MACROD2: variants seen among roughly 807,000 people sequenced by gnomAD.
MACROD2 encodes mono-ADP ribosylhydrolase 2, also known as ADP-ribose glycohydrolase MACROD2.
MACROD2 carries 36 observed loss-of-function variants against 70.4 expected under a neutral mutation model. The observed-to-expected ratio is 0.51, with a 90% confidence interval of 0.39 to 0.68. The LOEUF is 0.68. Among genes scored for constraint, MACROD2 ranks in the 30% least tolerant of loss-of-function variants. The pLI, the probability that MACROD2 is intolerant of heterozygous loss-of-function variation, is 0.00. For missense variants in MACROD2, 496 were observed against 538.4 expected (o/e 0.92, Z 0.78); for synonymous variants, 172 against 178.8 (o/e 0.96, Z 0.30).
intron 7 of MACROD2, among the ~76,000 whole-genome samples, chr20:15,434,191 A>G (rs759726391): frequency 6.6e-6 from 1 of 152,070 alleles, no homozygotes; most frequent in Non-Finnish European, 1.5e-5. Context: ...TGGGACCTAA[A>G]TTAACTAAAA....
chr20:14,558,843 A>G (rs1188518401), intron 4 of MACROD2, among the ~76,000 whole-genome samples: 1 of 151,714 alleles, frequency 6.6e-6, no homozygotes, highest in African/African-American at 2.4e-5. Context: ...AAAATACAAT[A>G]CTGTATTAGG....
chr20:14,848,849 A>T (rs1299092900), intron 5 of MACROD2, among the ~76,000 whole-genome samples: 1 of 152,088 alleles, frequency 6.6e-6, no homozygotes, highest in Non-Finnish European at 1.5e-5. Flanking sequence ...GAGTTTGTGT[A>T]CCTGAGGTTG....
intron 15 of MACROD2, among the ~76,000 whole-genome samples, chr20:16,006,762 G>A (rs1210351418): frequency 6.6e-6 from 1 of 152,154 alleles, no homozygotes; most frequent in East Asian, 1.9e-4. Context: ...GGATGATTAA[G>A]TGTGTTCTCA....
intron 3 of MACROD2, among the ~76,000 whole-genome samples, chr20:14,387,366 A>AT (rs899754548): frequency 3.5e-4 from 53 of 151,216 alleles, no homozygotes; most frequent in African/African-American, 1.1e-3. Flanking sequence ...AGTTTTTTCT[A>AT]TTTTTTTTCA....
chr20:14,154,552 A>ATTTTTTTTTTTTTTTTTTTTT (rs869299523), intron 3 of MACROD2, among the ~76,000 whole-genome samples: 2 of 106,652 alleles, frequency 1.9e-5, no homozygotes, highest in Non-Finnish European at 3.8e-5. Flanking sequence ...CGCCCGGCTA[A>ATTTTTTTTTTTTTTTTTTTTT]TTTTTTTTTT....
chr20:14,000,962 C>G (rs936640756), intron 1 of MACROD2, among the ~76,000 whole-genome samples: 1 of 152,094 alleles, frequency 6.6e-6, no homozygotes, highest in East Asian at 1.9e-4. Flanking sequence ...GTATTCATAC[C>G]TCCTTTGTTT....
chr20:14,204,799 G>T (rs1417666247), intron 3 of MACROD2, among the ~76,000 whole-genome samples: 4 of 152,070 alleles, frequency 2.6e-5, no homozygotes, highest in Non-Finnish European at 5.9e-5. Context: ...TCACTGTTTT[G>T]GTCCTTCTTT....
At chr20:15,244,677 T>C (rs1053190671) in intron 6 of MACROD2, among the ~76,000 whole-genome samples, 2 of 152,240 alleles carry the variant, frequency 1.3e-5, no homozygotes, top group Admixed American at 6.5e-5. Flanking sequence ...AGCTTTTCTC[T>C]GCTAAAAGAT....
At chr20:14,520,883 A>T (rs2085160378) in intron 4 of MACROD2, among the ~76,000 whole-genome samples, 1 of 152,058 alleles carries the variant, frequency 6.6e-6, no homozygotes, top group Non-Finnish European at 1.5e-5. Flanking sequence ...AATCAGGGGC[A>T]ATCTTAAACA....
chr20:14,245,030 A>C (rs1038381657), intron 3 of MACROD2, among the ~76,000 whole-genome samples: 1 of 152,082 alleles, frequency 6.6e-6, no homozygotes, highest in Non-Finnish European at 1.5e-5. Context: ...CTGCTTTTTG[A>C]GGGTGAGTAG....
chr20:15,222,086 A>G (rs1337019330), intron 5 of MACROD2, among the ~76,000 whole-genome samples: 1 of 152,230 alleles, frequency 6.6e-6, no homozygotes, highest in Non-Finnish European at 1.5e-5. Flanking sequence ...AAAGGAAACT[A>G]GATTTAAAAA....
chr20:14,620,100 C>T (rs779210679), intron 4 of MACROD2, among the ~76,000 whole-genome samples: 7 of 152,216 alleles, frequency 4.6e-5, no homozygotes, highest in South Asian at 4.2e-4. Flanking sequence ...TTGGGATTCC[C>T]GTCTATTCTG....
chr20:14,632,972 A>G (rs548338019), intron 4 of MACROD2, among the ~76,000 whole-genome samples: 1 of 152,302 alleles, frequency 6.6e-6, no homozygotes, highest in East Asian at 1.9e-4. Context: ...AACAACTGAA[A>G]TTTTTTCTCT....
chr20:14,007,478 G>A (rs2052839542), intron 2 of MACROD2, among the ~76,000 whole-genome samples: 1 of 152,152 alleles, frequency 6.6e-6, no homozygotes. Flanking sequence ...GCATATACGT[G>A]TGTGTTTGTG....
At chr20:14,901,055 C>T (rs984457092) in intron 5 of MACROD2, among the ~76,000 whole-genome samples, 6 of 151,978 alleles carry the variant, frequency 3.9e-5, no homozygotes, top group African/African-American at 1.4e-4. Flanking sequence ...ATGAACATAA[C>T]CAAAGGGCAT....
In MACROD2 at chr20:14,409,147, C is replaced by T. The variant is rs200695533; in HGVS notation, c.272-84332C>T. On this transcript the variant is annotated intron_variant, in intron 3 of 17. Transcript: ENST00000684519. Reference sequence around the variant, plus strand: ...GCTCTTCTTCTAAGGTCTGTTTTGGCTTTTTTTTTTTTTTTTTTCCAAACG... The same window carrying T: ...GCTCTTCTTCTAAGGTCTGTTTTGGTTTTTTTTTTTTTTTTTTTCCAAACG... Among the ~76,000 whole-genome samples the T allele has an allele frequency of 6.3e-5, 8 of 127,586 alleles. No homozygotes were observed. The South Asian group carries it at 1.0e-3, about 16-fold the overall frequency. 83.7% of individuals were successfully genotyped at this position (127,586 alleles called of 152,430 possible).
intron 8 of MACROD2, among the ~76,000 whole-genome samples, chr20:15,674,832 G>C (rs7275081): frequency 0.02 from 2,985 of 152,046 alleles, 102 homozygotes; most frequent in African/African-American, 0.068. Context: ...ATAGATGTAT[G>C]CATTATTTTT....
chr20:15,478,241 C>T (rs1033423413), intron 7 of MACROD2, among the ~76,000 whole-genome samples: 4 of 152,112 alleles, frequency 2.6e-5, no homozygotes, highest in African/African-American at 7.2e-5. Context: ...CAGTGAGGTT[C>T]GAGGAGGCTG....
intron 8 of MACROD2, among the ~76,000 whole-genome samples, chr20:15,651,548 C>T (rs1054786332): frequency 2.0e-5 from 3 of 152,158 alleles, no homozygotes; most frequent in African/African-American, 7.2e-5. Context: ...GCTCTCAGCT[C>T]TGTCTGTCAG....
Sources: allele counts gnomAD v4.1 joint callset (sites outside exome capture counted in the v4.1 genomes callset), GRCh38; gene constraint gnomAD v4.1.1; transcripts MANE v1.5; gene names NCBI Gene and HGNC (gene_info 2026-07-23, HGNC 2026-07-21).